Variants in SLC25A21 observed in about 807,000 individuals in gnomAD.
SLC25A21 encodes the protein solute carrier family 25 member 21, also known as mitochondrial 2-oxodicarboxylate carrier.
A neutral mutation model predicts 43.8 loss-of-function variants in SLC25A21; 47 were observed. The observed-to-expected ratio is 1.07, with a 90% confidence interval of 0.85 to 1.37. The LOEUF (loss-of-function observed/expected upper bound fraction) is 1.37. Among genes scored for constraint, SLC25A21 ranks in the 40% most tolerant of loss-of-function variants. The probability of loss-of-function intolerance (pLI) is 0.00; values close to 1 mark genes in which losing one functional copy is unlikely to be tolerated. For synonymous variants in SLC25A21, 131 were observed against 121.3 expected, an observed-to-expected ratio of 1.08 and a Z score of -0.52; for missense variants, 352 against 350.2, an observed-to-expected ratio of 1.00 and a Z score of -0.04.
rs373416765 is a variant in SLC25A21 at position 37,077,170 on chromosome 14, CATTT to C, written c.70+95107_70+95110del. Among the ~76,000 whole-genome samples the C allele has an allele frequency of 3.3e-3, 510 of 152,266 alleles. 2 individuals are homozygous for C. Among genetic ancestry groups the C allele is most frequent in the African/African-American group, 0.011 (474 of 41,558 alleles). On this transcript the variant is annotated intron_variant, in intron 1 of 9. Coordinates refer to ENST00000331299, the MANE Select transcript of SLC25A21 (RefSeq NM_030631.4). ...CAATACTTGCACCACGCTGAGATAT[CATTT>C]AGTCTATAACTTAAACAAGCATTGA...
chr14:36,824,388 G>T (rs1317530666), intron 2 of SLC25A21, among the ~76,000 whole-genome samples: 1 of 152,074 alleles, frequency 6.6e-6, no homozygotes, highest in Non-Finnish European at 1.5e-5. Context: ...CCAAGATTTG[G>T]ATTGGTTGTT....
At position 37,169,881 on chromosome 14, in the gene SLC25A21, T is replaced by A. The variant is rs181775094; in HGVS notation, c.70+2400A>T. On this transcript the variant is annotated intron_variant, in intron 1 of 9. Transcript: ENST00000331299. ...TAATCATTTATTAATAACTCCATAGTATTAACTATATAAATCAACTATGCT... is the reference window on the plus strand; with the variant it reads ...TAATCATTTATTAATAACTCCATAGAATTAACTATATAAATCAACTATGCT... 5.3e-5 allele frequency among the ~76,000 whole-genome samples: 8 copies of A among 152,286 alleles called. No individual in the cohort carries two copies. The East Asian group carries it at 1.5e-3, about 29-fold the overall frequency.
At chr14:37,003,752 A>G (rs1273038657) in intron 1 of SLC25A21, among the ~76,000 whole-genome samples, 1 of 152,208 alleles carries the variant, frequency 6.6e-6, no homozygotes, top group Non-Finnish European at 1.5e-5. Flanking sequence ...GGCTTCTTAA[A>G]TGAAGTTACA....
intron 1 of SLC25A21, among the ~76,000 whole-genome samples, chr14:37,161,181 A>G (rs1272027395): frequency 6.6e-6 from 1 of 152,134 alleles, no homozygotes; most frequent in Non-Finnish European, 1.5e-5. Context: ...CACAAATGAA[A>G]AAAGAGTGAC....
At chr14:37,151,927 T>C (rs1313984472) in intron 1 of SLC25A21, among the ~76,000 whole-genome samples, 2 of 151,910 alleles carry the variant, frequency 1.3e-5, no homozygotes, top group East Asian at 3.9e-4. Context: ...CCCAGCTACT[T>C]TGGAGGCTGA....
chr14:37,166,584 G>C lies in SLC25A21; in HGVS notation c.70+5697C>G, dbSNP rs377433031. On this transcript the variant is annotated intron_variant, in intron 1 of 9. Transcript: ENST00000331299. ...GATTAAAAGTGTTAACACATGTAAA[G>C]CTTAGAACTGGATCCGGCATTTAGT... Among the ~76,000 whole-genome samples the C allele has an allele frequency of 1.1e-4, 16 of 152,270 alleles. No individual in the cohort carries two copies. In the East Asian group the frequency reaches 2.7e-3, roughly 26 times the overall value.
chr14:36,849,177 G>A (rs1889641295), intron 2 of SLC25A21, among the ~76,000 whole-genome samples: 1 of 152,190 alleles, frequency 6.6e-6, no homozygotes. Context: ...AAATGTGGGA[G>A]TTTGAGTTTG....
At chr14:36,996,680 T>A (rs1292948759) in intron 1 of SLC25A21, among the ~76,000 whole-genome samples, 1 of 151,452 alleles carries the variant, frequency 6.6e-6, no homozygotes, top group East Asian at 1.9e-4. Flanking sequence ...AACAATTAGG[T>A]GGAGGAATAA....
rs1186002830 is a variant in SLC25A21, at chr14:36,990,521, T to TA, written c.71-115518dup. On this transcript the variant is annotated intron_variant, in intron 1 of 9. Transcript: ENST00000331299. Reference sequence around the variant, plus strand: ...ATGAAATGTTTATAAGTTTATCCCCTAAAAAAAACCTTCACTGCCATGGCT... The same window carrying TA: ...ATGAAATGTTTATAAGTTTATCCCCTAAAAAAAAACCTTCACTGCCATGGCT... Among the ~76,000 whole-genome samples, 6 of 151,930 alleles carry TA rather than the reference T, an allele frequency of 3.9e-5. No individual in the cohort carries two copies. In the East Asian group the frequency reaches 5.8e-4, roughly 15 times the overall value.
intron 1 of SLC25A21, among the ~76,000 whole-genome samples, chr14:36,905,868 T>C (rs917042128): frequency 1.3e-5 from 2 of 152,138 alleles, no homozygotes; most frequent in Admixed American, 1.3e-4. Context: ...GAAATGGATA[T>C]GGCTCAAGTT....
chr14:36,742,809 G>T (rs1048633555), intron 3 of SLC25A21, among the ~76,000 whole-genome samples: 1 of 152,132 alleles, frequency 6.6e-6, no homozygotes, highest in South Asian at 2.1e-4. Context: ...TCATTACTGA[G>T]AATTAATTCA....
At chr14:36,761,762 TATCAA>T (rs36209330) in intron 3 of SLC25A21, among the ~76,000 whole-genome samples, 24,173 of 152,102 alleles carry the variant, frequency 0.16, 2,162 homozygotes, top group Middle Eastern at 0.25. Flanking sequence ...TTGATCAAAT[TATCAA>T]ATCAACTATA....
chr14:36,776,610 A>G (rs952386767), intron 3 of SLC25A21, among the ~76,000 whole-genome samples: 1 of 151,796 alleles, frequency 6.6e-6, no homozygotes, highest in Non-Finnish European at 1.5e-5. Context: ...TGCCTCCCCA[A>G]CTGTAGGGTT....
intron 1 of SLC25A21, among the ~76,000 whole-genome samples, chr14:37,140,300 G>A (rs1417022594): frequency 6.6e-6 from 1 of 152,144 alleles, no homozygotes; most frequent in Non-Finnish European, 1.5e-5. Flanking sequence ...AATTCCTTAA[G>A]GGCAAGAACT....
rs1217482128 is a variant in SLC25A21 at position 36,760,389 on chromosome 14, A to AAGGAAGGC, written c.204-25817_204-25816insGCCTTCCT. The stretch of plus-strand genomic sequence containing the variant: ...GAAGGAAGGAAGGAAGGAAGGAAGG[A>AAGGAAGGC]AGGCAGGCCTCATGAAGAAAATCTC... On this transcript the variant is annotated intron_variant, in intron 3 of 9. Transcript: ENST00000331299. Among the ~76,000 whole-genome samples the AAGGAAGGC allele has an allele frequency of 1.4e-4, 21 of 146,784 alleles. No individual in the cohort carries two copies. In the East Asian group the frequency reaches 2.7e-3, roughly 19 times the overall value.
At chr14:36,752,757 G>A (rs1174957464) in intron 3 of SLC25A21, among the ~76,000 whole-genome samples, 2 of 152,206 alleles carry the variant, frequency 1.3e-5, no homozygotes, top group African/African-American at 2.4e-5. Flanking sequence ...CATGGGAGCA[G>A]TTACCCTCAT....
At chr14:36,785,345 G>A (rs1887209400) in intron 3 of SLC25A21, among the ~76,000 whole-genome samples, 1 of 152,202 alleles carries the variant, frequency 6.6e-6, no homozygotes, top group South Asian at 2.1e-4. Flanking sequence ...CAAAAAGCAT[G>A]TTTGATGAAT....
chr14:36,810,825 A>C (rs535788479), intron 3 of SLC25A21, among the ~76,000 whole-genome samples: 1 of 95,864 alleles, frequency 1.0e-5, no homozygotes, highest in African/African-American at 3.2e-5. Context: ...ATAGAAAATG[A>C]GCTTCACAAA....
rs757711209 is a variant in SLC25A21 at position 36,697,738 on chromosome 14, C to CTTTTTTTTTTTTTTTTT, written c.604-12814_604-12813insAAAAAAAAAAAAAAAAA. Among the ~76,000 whole-genome samples the CTTTTTTTTTTTTTTTTT allele has an allele frequency of 5.3e-4, 59 of 111,572 alleles. 2 individuals are homozygous for CTTTTTTTTTTTTTTTTT. Among genetic ancestry groups the CTTTTTTTTTTTTTTTTT allele is most frequent in the East Asian group, 1.0e-3 (3 of 2,940 alleles). 73.2% of individuals were successfully genotyped at this position (111,572 alleles called of 152,430 possible). ...TCTGAGACTAGGATTGCAAGCCCTA[C>CTTTTTTTTTTTTTTTTT]TTTTTTTTTTTGCTTTCCATTTGCT... On this transcript the variant is annotated intron_variant, in intron 7 of 9. Transcript: ENST00000331299.
Sources: allele counts gnomAD v4.1 joint callset (sites outside exome capture counted in the v4.1 genomes callset), GRCh38; gene constraint gnomAD v4.1.1; transcripts MANE v1.5; gene names NCBI Gene and HGNC (gene_info 2026-07-23, HGNC 2026-07-21).